CNTNAP5: variants seen among roughly 807,000 people sequenced by gnomAD.
CNTNAP5 encodes the protein contactin associated protein family member 5.
Under a neutral mutation model 150.2 loss-of-function variants are expected in CNTNAP5, and 72 were observed. That is an observed-to-expected ratio of 0.48 (90% CI 0.40 to 0.58). The LOEUF is 0.58. Among genes scored for constraint, CNTNAP5 ranks in the 20% least tolerant of loss-of-function variants. The pLI is 0.00. For missense variants in CNTNAP5, 1,636 were observed against 1,626.2 expected (o/e 1.01, Z -0.10); for synonymous variants, 672 against 619.8 (o/e 1.08, Z -1.25).
intron 19 of CNTNAP5, among the ~76,000 whole-genome samples, chr2:124,802,614 G>A (rs1176321498): frequency 6.6e-6 from 1 of 152,142 alleles, no homozygotes; most frequent in African/African-American, 2.4e-5. Flanking sequence ...TTGAAGACAG[G>A]AAAAGGGTAC....
intron 1 of CNTNAP5, among the ~76,000 whole-genome samples, chr2:124,220,669 T>G (rs770137112): frequency 7.2e-5 from 11 of 152,112 alleles, no homozygotes; most frequent in Admixed American, 2.0e-4. Flanking sequence ...AAGGTTCTGG[T>G]ATCTGGTGAG....
At chr2:124,854,556 G>A (rs938980295) in intron 19 of CNTNAP5, among the ~76,000 whole-genome samples, 1 of 152,166 alleles carries the variant, frequency 6.6e-6, no homozygotes, top group Non-Finnish European at 1.5e-5. Context: ...TAGAACTGTA[G>A]CATTATAGCC....
chr2:124,921,061 C>G lies in CNTNAP5; in HGVS notation c.*6773C>G, dbSNP rs1678861268. Among the ~76,000 whole-genome samples the G allele has an allele frequency of 6.6e-6, 1 of 151,990 alleles. No homozygotes were observed. Among genetic ancestry groups the G allele is most frequent in the Admixed American group, 6.6e-5 (1 of 15,228 alleles). ...CCTCATTCCAAGTCAGTTTTGTAGA[C>G]CATGTAACATGTCTTAATACACTGT... On this transcript the variant is annotated 3_prime_UTR_variant, in exon 24 of 24. Transcript: ENST00000682447.
At chr2:124,220,676 T>G (rs913637927) in intron 1 of CNTNAP5, among the ~76,000 whole-genome samples, 1 of 152,260 alleles carries the variant, frequency 6.6e-6, no homozygotes, top group Non-Finnish European at 1.5e-5. Flanking sequence ...TGGTATCTGG[T>G]GAGAGCTCTC....
intron 17 of CNTNAP5, among the ~76,000 whole-genome samples, chr2:124,776,196 T>C (rs1681319253): frequency 6.6e-6 from 1 of 152,132 alleles, no homozygotes; most frequent in African/African-American, 2.4e-5. Context: ...ATGCGGCAAT[T>C]ATAGAGTGGA....
At chr2:124,372,665 TACTC>T (rs1299989770) in intron 3 of CNTNAP5, among the ~76,000 whole-genome samples, 5 of 152,076 alleles carry the variant, frequency 3.3e-5, no homozygotes, top group African/African-American at 1.2e-4. Context: ...ATCATAGAAT[TACTC>T]AATCAATCAG....
chr2:124,073,983 A>T (rs115403629), intron 1 of CNTNAP5, among the ~76,000 whole-genome samples: 1 of 152,174 alleles, frequency 6.6e-6, no homozygotes, highest in Non-Finnish European at 1.5e-5. Flanking sequence ...TGGTACATAT[A>T]CACAATGGAG....
At chr2:124,526,087 A>G (rs1446897580) in intron 9 of CNTNAP5, among the ~76,000 whole-genome samples, 1 of 152,200 alleles carries the variant, frequency 6.6e-6, no homozygotes, top group Non-Finnish European at 1.5e-5. Flanking sequence ...AAATGTTTGT[A>G]AATAATTCTG....
At chr2:124,266,796 T>A (rs991505345) in intron 3 of CNTNAP5, among the ~76,000 whole-genome samples, 1 of 152,276 alleles carries the variant, frequency 6.6e-6, no homozygotes, top group South Asian at 2.1e-4. Context: ...CGTCAGCCAA[T>A]TAGGATTCAT....
intron 7 of CNTNAP5, among the ~76,000 whole-genome samples, chr2:124,479,436 T>G (rs941326724): frequency 2.0e-5 from 3 of 152,170 alleles, no homozygotes; most frequent in African/African-American, 7.2e-5. Context: ...TCTCAAAATA[T>G]TTTCCTTTTT....
chr2:124,363,005 C>A (rs947658979), intron 3 of CNTNAP5, among the ~76,000 whole-genome samples: 1 of 152,186 alleles, frequency 6.6e-6, no homozygotes, highest in Non-Finnish European at 1.5e-5. Flanking sequence ...AAAAAAGCAT[C>A]AATGGATGTG....
At chr2:124,504,233 G>T in intron 7 of CNTNAP5, 59 bp from the exon 8 acceptor site, 1 of 1,539,350 alleles carries the variant, frequency 6.5e-7, no homozygotes, top group Non-Finnish European at 8.9e-7. Flanking sequence ...GTTTATATCA[G>T]CTGTCAGATT....
chr2:124,151,842 A>G (rs148927791), intron 1 of CNTNAP5, among the ~76,000 whole-genome samples: 53 of 152,360 alleles, frequency 3.5e-4, no homozygotes, highest in African/African-American at 1.3e-3. Context: ...CATACACTGC[A>G]TGTGATTATA....
At chr2:124,049,387 A>C (rs1382978542) in intron 1 of CNTNAP5, among the ~76,000 whole-genome samples, 1 of 152,206 alleles carries the variant, frequency 6.6e-6, no homozygotes, top group Non-Finnish European at 1.5e-5. Context: ...CTAAGTCTTA[A>C]AGATGATGTT....
intron 13 of CNTNAP5, among the ~76,000 whole-genome samples, chr2:124,685,406 T>C (rs1304786948): frequency 6.6e-6 from 1 of 152,086 alleles, no homozygotes; most frequent in Non-Finnish European, 1.5e-5. Flanking sequence ...TATAGAAATA[T>C]TTGTGTCAAA....
intron 3 of CNTNAP5, among the ~76,000 whole-genome samples, chr2:124,249,087 T>G (rs989509031): frequency 2.6e-5 from 4 of 152,184 alleles, no homozygotes; most frequent in Non-Finnish European, 5.9e-5. Context: ...TTTTTTATCT[T>G]GCCCAAATTC....
chr2:124,098,164 A>G (rs924810851), intron 1 of CNTNAP5, among the ~76,000 whole-genome samples: 1 of 152,260 alleles, frequency 6.6e-6, no homozygotes, highest in African/African-American at 2.4e-5. Context: ...TATTTGTGTT[A>G]TATGTATTAT....
At chr2:124,774,180 C>T (rs1187446835) in intron 17 of CNTNAP5, among the ~76,000 whole-genome samples, 2 of 151,914 alleles carry the variant, frequency 1.3e-5, no homozygotes, top group African/African-American at 2.4e-5. Context: ...GTCAGTCTAC[C>T]CAGATTTAAC....
At chr2:124,146,374 A>G (rs183957922) in intron 1 of CNTNAP5, among the ~76,000 whole-genome samples, 1 of 152,176 alleles carries the variant, frequency 6.6e-6, no homozygotes, top group East Asian at 1.9e-4. Flanking sequence ...TTTTCAAATC[A>G]TATTAAATTT....
Sources: allele counts gnomAD v4.1 joint callset (sites outside exome capture counted in the v4.1 genomes callset), GRCh38; gene constraint gnomAD v4.1.1; transcripts MANE v1.5; gene names NCBI Gene and HGNC (gene_info 2026-07-23, HGNC 2026-07-21).